MORF4L1: variants seen among roughly 807,000 people sequenced by gnomAD.
MORF4L1 encodes mortality factor 4 like 1.
A neutral mutation model predicts 52.9 loss-of-function variants in MORF4L1; 4 were observed. The ratio of observed to expected loss-of-function variants is 0.08; its 90% CI spans 0.04 to 0.17. The LOEUF (loss-of-function observed/expected upper bound fraction) is 0.17, where lower values mean the gene tolerates loss of function less well. MORF4L1 is among the 10% of genes least tolerant of loss of function. The pLI is 1.00. For missense variants in MORF4L1, 214 were observed against 390.4 expected (o/e 0.55, Z 3.81); for synonymous variants, 123 against 134.8 (o/e 0.91, Z 0.61).
intron 7 of MORF4L1, 80 bp downstream of exon 7, chr15:78,891,652 T>G: frequency 8.6e-7 from 1 of 1,158,466 alleles, no homozygotes; most frequent in Non-Finnish European, 1.2e-6. Context: ...GAGCTTTGAT[T>G]ATCTACAAGA....
At chr15:78,888,227 G>C (rs1420429878) in intron 5 of MORF4L1, among the ~76,000 whole-genome samples, 1 of 152,182 alleles carries the variant, frequency 6.6e-6, no homozygotes, top group African/African-American at 2.4e-5. Flanking sequence ...TTGTTTGGGA[G>C]GCTGAGGCAG....
At chr15:78,893,484 G>T in intron 8 of MORF4L1, 55 bp from the exon 9 acceptor site, 1 of 1,232,068 alleles carries the variant, frequency 8.1e-7, no homozygotes, top group South Asian at 1.2e-5. Context: ...TGCCTGGTAT[G>T]ATTTTTCTTT....
chr15:78,873,152 G>A (rs993691199), intron 1 of MORF4L1, 95 bp downstream of exon 1: 3 of 1,539,368 alleles, frequency 1.9e-6, no homozygotes, highest in Non-Finnish European at 2.6e-6. Context: ...GGCGGCGCGG[G>A]CTGCGCCCTG....
In MORF4L1 at chr15:78,873,274, G is replaced by A. The variant is rs1413037203; in HGVS notation, c.40+217G>A. On this transcript the variant is annotated intron_variant, in intron 1 of 11. Transcript: ENST00000426013. Reference sequence around the variant, plus strand: ...GCGAGAGTGCTGCGCAGGCGTTAGAGTGGGAGAGAGAGCGTTTGGCGCGTG... The same window carrying A: ...GCGAGAGTGCTGCGCAGGCGTTAGAATGGGAGAGAGAGCGTTTGGCGCGTG... The A allele has an allele frequency of 2.8e-6, 4 of 1,442,774 alleles. No individual in the cohort carries two copies. In the South Asian group the frequency reaches 4.1e-5, roughly 15 times the overall value. 89.4% of individuals were successfully genotyped at this position (1,442,774 alleles called of 1,614,324 possible). A position where few individuals can be genotyped will look rare whatever the true frequency, so the allele number is the denominator to read the frequency against.
chr15:78,895,103 A>T (rs1207881450), intron 11 of MORF4L1, among the ~76,000 whole-genome samples, 199 bp downstream of exon 11: 1 of 152,236 alleles, frequency 6.6e-6, no homozygotes, highest in Non-Finnish European at 1.5e-5. Context: ...TTGGTGCAGT[A>T]GGGGAAAGCA....
At chr15:78,874,583 CTTTTTTTT>C (rs56665378) in intron 1 of MORF4L1, among the ~76,000 whole-genome samples, 98 of 112,188 alleles carry the variant, frequency 8.7e-4, no homozygotes, top group African/African-American at 3.1e-3. Flanking sequence ...CTTTTTCTTT[CTTTTTTTT>C]TTTTTTTTTT....
chr15:78,874,114 A>G (rs577653688), intron 1 of MORF4L1, among the ~76,000 whole-genome samples: 25 of 141,944 alleles, frequency 1.8e-4, no homozygotes, highest in Admixed American at 1.6e-3. Flanking sequence ...GTTAACGTAT[A>G]ATAAGGTGGA....
chr15:78,884,941 A>G (rs1395761935), intron 3 of MORF4L1: 8 of 1,554,488 alleles, frequency 5.1e-6, no homozygotes, highest in Admixed American at 3.6e-5. Context: ...CACTGAGATT[A>G]CTTTGTACTA....
At chr15:78,889,840 TC>T (rs1374540761) in intron 5 of MORF4L1, among the ~76,000 whole-genome samples, 1 of 152,142 alleles carries the variant, frequency 6.6e-6, no homozygotes, top group East Asian at 1.9e-4. Context: ...AAGTAAAAAA[TC>T]CAGGTGTTAT....
At chr15:78,891,359 C>A in intron 6 of MORF4L1, 125 bp from the exon 7 acceptor site, 1 of 753,416 alleles carries the variant, frequency 1.3e-6, no homozygotes, top group South Asian at 1.8e-5. Context: ...GATTCTTTAA[C>A]TTAGATTGAG....
chr15:78,886,205 C>T lies in MORF4L1; in HGVS notation c.220C>T (p.Arg74Ter), dbSNP rs2056700220. 6.2e-7 allele frequency: 1 copy of T among 1,613,818 alleles called. No homozygotes were observed. The highest frequency in any genetic ancestry group is 8.5e-7 in the Non-Finnish European group (1 of 1,179,782). The change falls in exon 4 of 12, where the codon CGA becomes TGA. Residue 74 changes from arginine (R) to a stop codon, truncating the protein, a stop_gained. Coordinates refer to ENST00000426013, the MANE Select transcript of MORF4L1 (RefSeq NM_006791.4). LOFTEE classifies it high-confidence loss of function. ...CGTGGACACCAATTTGCAGAAACAG[C>T]GAGAACTTCAAAAAGCCAATCAGTA... is the stretch of plus-strand genomic sequence containing the variant. ...KYVDTNLQKQRELQKANQEQY... is the reference protein window; with the variant it reads ...KYVDTNLQKQ
chr15:78,885,118 C>G (rs16970187), intron 3 of MORF4L1: 80,054 of 1,483,246 alleles, frequency 0.054, 2,452 homozygotes, highest in Middle Eastern at 0.12. Flanking sequence ...TCTAGGAAAT[C>G]ATGTTCAGGA....
At chr15:78,881,208 T>TTTTTTTTTTTTTG (rs5813941) in intron 3 of MORF4L1, among the ~76,000 whole-genome samples, 2 of 147,470 alleles carry the variant, frequency 1.4e-5, no homozygotes, top group East Asian at 4.0e-4. Flanking sequence ...TTTTTTTTTT[T>TTTTTTTTTTTTTG]GAGAGATGGA....
intron 4 of MORF4L1, 33 bp from the exon 5 acceptor site, chr15:78,887,236 T>G (rs941416033): frequency 1.9e-6 from 3 of 1,562,176 alleles, no homozygotes; most frequent in Non-Finnish European, 2.6e-6. Context: ...AAATGCTCAT[T>G]TTATGTTGAC....
intron 3 of MORF4L1, among the ~76,000 whole-genome samples, chr15:78,885,842 A>G (rs776800227): frequency 6.6e-6 from 1 of 152,216 alleles, no homozygotes; most frequent in South Asian, 2.1e-4. Context: ...ATAACATAAG[A>G]CTAATCACTT....
chr15:78,892,070 A>T, intron 7 of MORF4L1, 142 bp from the exon 8 acceptor site: 3 of 538,924 alleles, frequency 5.6e-6, no homozygotes, highest in Non-Finnish European at 6.6e-6. Flanking sequence ...GTTTTTATTA[A>T]TGATTTTAAA....
At chr15:78,888,675 T>C (rs1359876436) in intron 5 of MORF4L1, among the ~76,000 whole-genome samples, 1 of 152,174 alleles carries the variant, frequency 6.6e-6, no homozygotes, top group Non-Finnish European at 1.5e-5. Context: ...CCAGGAGTTC[T>C]AGGCTGCAGT....
chr15:78,894,703 C>T lies in MORF4L1; in HGVS notation c.803-117C>T, dbSNP rs111676026. The T allele has an allele frequency of 4.1e-4, 331 of 811,994 alleles. 1 individual carries two copies. The highest frequency in any genetic ancestry group is 3.1e-3 in the African/African-American group (180 of 58,696). The allele number at this position is 811,994 out of a possible 1,614,324, so 50.3% of individuals were successfully genotyped here. ...GATTACAGGCGTGAGCCACTATGCC[C>T]GGCCTAAAATCATGTATTTTAAAGG... is the stretch of plus-strand genomic sequence containing the variant. On this transcript the variant is annotated intron_variant, in intron 10 of 11. Transcript: ENST00000426013.
At chr15:78,886,321 G>C (rs1460054563) in intron 4 of MORF4L1, 94 bp downstream of exon 4, 20 of 1,113,300 alleles carry the variant, frequency 1.8e-5, no homozygotes, top group Non-Finnish European at 2.7e-5. Context: ...TGGCTGCCCT[G>C]CCTATAAAAT....
Sources: gnomAD v4.1 joint callset for allele counts (sites outside exome capture counted in the v4.1 genomes callset) on GRCh38, gnomAD v4.1.1 for gene constraint, MANE v1.5 for transcripts, NCBI Gene and HGNC (gene_info 2026-07-23, HGNC 2026-07-21) for gene names.